LDLRAD4: variants seen among roughly 807,000 people sequenced by gnomAD.
The protein encoded by LDLRAD4 is low-density lipoprotein receptor class A domain-containing protein 4.
A neutral mutation model predicts 17.0 loss-of-function variants in LDLRAD4; 5 were observed. The ratio of observed to expected loss-of-function variants is 0.29; its 90% confidence interval spans 0.15 to 0.62. The LOEUF (loss-of-function observed/expected upper bound fraction) is 0.62. LDLRAD4 is among the 20% of genes least tolerant of loss of function. The pLI is 0.84. For synonymous variants in LDLRAD4, 168 were observed against 171.8 expected, an observed-to-expected ratio of 0.98 and a Z score of 0.17; for missense variants, 340 against 424.7, an observed-to-expected ratio of 0.80 and a Z score of 1.75.
chr18:13,517,873 G>A (rs1206775031), intron 3 of LDLRAD4, among the ~76,000 whole-genome samples: 1 of 152,096 alleles, frequency 6.6e-6, no homozygotes, highest in African/African-American at 2.4e-5. Context: ...CTAGTAGCTG[G>A]GACTACAGGC....
At chr18:13,565,150 A>G (rs1008460630) in intron 3 of LDLRAD4, 2 of 152,248 alleles carry the variant, frequency 1.3e-5, no homozygotes, top group Non-Finnish European at 2.9e-5. Context: ...TTCTAGGATT[A>G]TATCTCCCCA....
chr18:13,433,116 A>G (rs1411314878), intron 2 of LDLRAD4, among the ~76,000 whole-genome samples: 1 of 152,250 alleles, frequency 6.6e-6, no homozygotes, highest in Non-Finnish European at 1.5e-5. Context: ...GTACTAGGAA[A>G]TGTAAACTTA....
chr18:13,529,653 C>A (rs1601131087), intron 3 of LDLRAD4, among the ~76,000 whole-genome samples: 1 of 152,278 alleles, frequency 6.6e-6, no homozygotes, highest in South Asian at 2.1e-4. Context: ...AGCTGCTAAC[C>A]CCTCCAGTGT....
At chr18:13,589,119 G>A (rs1284399) in intron 3 of LDLRAD4, among the ~76,000 whole-genome samples, 135,575 of 151,914 alleles carry the variant, frequency 0.89, 60,544 homozygotes, top group East Asian at 1. Flanking sequence ...TTTTCAGTAG[G>A]GATGAGGTTT....
At chr18:13,504,191 A>T (rs2093655834) in intron 3 of LDLRAD4, among the ~76,000 whole-genome samples, 2 of 152,186 alleles carry the variant, frequency 1.3e-5, no homozygotes, top group African/African-American at 2.4e-5. Flanking sequence ...ACCCCCTCTC[A>T]AAAACAGAGA....
chr18:13,646,217 T>G (rs2043009866), exon 6 of LDLRAD4: 1 of 152,672 alleles, frequency 6.5e-6, no homozygotes, highest in South Asian at 2.1e-4. Flanking sequence ...CTTTGTGTTG[T>G]GATGATGTGT....
chr18:13,460,414 A>G (rs1208641080), intron 3 of LDLRAD4, among the ~76,000 whole-genome samples: 1 of 152,156 alleles, frequency 6.6e-6, no homozygotes, highest in Admixed American at 6.5e-5. Flanking sequence ...GCTGAGCTGG[A>G]ACTCCGGGCA....
At chr18:13,238,600 G>T (rs1031087915) in intron 1 of LDLRAD4, among the ~76,000 whole-genome samples, 8 of 152,230 alleles carry the variant, frequency 5.3e-5, no homozygotes, top group African/African-American at 1.7e-4. Flanking sequence ...GAGGGGTGGT[G>T]TGGTGCAGGC....
intron 3 of LDLRAD4, among the ~76,000 whole-genome samples, chr18:13,539,302 C>T (rs972439663): frequency 1.3e-5 from 2 of 152,218 alleles, no homozygotes; most frequent in African/African-American, 4.8e-5. Context: ...CTTGTTTGAA[C>T]ACCAGCTAGC....
chr18:13,387,821 C>G, intron 2 of LDLRAD4, 59 bp downstream of exon 3: 2 of 1,468,374 alleles, frequency 1.4e-6, no homozygotes, highest in South Asian at 2.3e-5. Context: ...CAATAAACTC[C>G]CAAACCACTG....
chr18:13,610,131 T>TA (rs1339552528), intron 3 of LDLRAD4, among the ~76,000 whole-genome samples: 1 of 152,136 alleles, frequency 6.6e-6, no homozygotes, highest in East Asian at 1.9e-4. Context: ...TTTCTTTTTT[T>TA]ATATATGAAA....
rs12969919 is a variant in LDLRAD4, at chr18:13,499,669, G to A, written c.181+61285G>A. Among the ~76,000 whole-genome samples, 18 of 119,592 alleles carry A rather than the reference G, an allele frequency of 1.5e-4. No individual in the cohort carries two copies. The East Asian group carries it at 2.9e-3, about 19-fold the overall frequency. The allele number at this position is 119,592 out of a possible 152,430, so 78.5% of individuals were successfully genotyped here. A position where few individuals can be genotyped will look rare whatever the true frequency, so the allele number is the denominator to read the frequency against. On this transcript the variant is annotated intron_variant, in intron 3 of 5. Coordinates refer to ENST00000359446, the Ensembl canonical transcript of LDLRAD4. The stretch of plus-strand genomic sequence containing the variant: ...TGGATACTGGAGAATCCTTCTCGCC[G>A]CACACGTCCTGCCATGGACACCGGA...
chr18:13,589,025 C>T (rs2094973813), intron 3 of LDLRAD4, among the ~76,000 whole-genome samples: 1 of 151,068 alleles, frequency 6.6e-6, no homozygotes, highest in Admixed American at 6.6e-5. Context: ...GCCTCCCAGG[C>T]TCAAATGATT....
In LDLRAD4 at chr18:13,621,038, C is replaced by G. The variant is rs2040579156; in HGVS notation, c.182-79C>G. On this transcript the variant is annotated intron_variant, in intron 3 of 5. Coordinates refer to ENST00000359446, the Ensembl canonical transcript of LDLRAD4. The surrounding 1 kb of genome is among the most constrained non-coding windows in gnomAD (Gnocchi z 5.5). ...GTGAGAGGCCTTCAGGGCCTGATGG[C>G]TGGGGTGGTGACAGTGCCTGGAGAA... is the stretch of plus-strand genomic sequence containing the variant. The G allele has an allele frequency of 2.5e-6, 4 of 1,603,268 alleles. No individual in the cohort carries two copies. The highest frequency in any genetic ancestry group is 2.6e-6 in the Non-Finnish European group (3 of 1,172,684).
intron 3 of LDLRAD4, among the ~76,000 whole-genome samples, chr18:13,539,345 T>C (rs2094243494): frequency 6.6e-6 from 1 of 152,182 alleles, no homozygotes; most frequent in East Asian, 1.9e-4. Flanking sequence ...AATTGCTCAG[T>C]CCCTAAACGT....
Position 13,411,079 on chromosome 18 carries a change from C to T in LDLRAD4, c.40+23317C>T, listed in dbSNP as rs192047380. On this transcript the variant is annotated intron_variant, in intron 2 of 5. Transcript: ENST00000359446. The stretch of plus-strand genomic sequence containing the variant: ...CAGCCTGGGCAACATAGCAAAATCC[C>T]GTCTCTACTAAAAATACAAACATTT... Among the ~76,000 whole-genome samples, 9 of 152,148 alleles carry T rather than the reference C, an allele frequency of 5.9e-5. No homozygotes were observed. In the East Asian group the frequency reaches 9.6e-4, roughly 16 times the overall value.
chr18:13,473,655 ATATATATATATATATATATATAT>A (rs1568213739), intron 3 of LDLRAD4, among the ~76,000 whole-genome samples: 1,346 of 102,442 alleles, frequency 0.013, 92 homozygotes, highest in African/African-American at 0.043. Flanking sequence ...ATATATATAT[ATATATATATATATATATATATAT>A]AACGTTTACA....
chr18:13,565,528 A>C (rs2094589071), intron 3 of LDLRAD4, among the ~76,000 whole-genome samples: 1 of 152,230 alleles, frequency 6.6e-6, no homozygotes, highest in South Asian at 2.1e-4. Flanking sequence ...TGACATTGGC[A>C]TGAGCCGCCC....
At chr18:13,500,234 T>C (rs894376004) in intron 3 of LDLRAD4, among the ~76,000 whole-genome samples, 10 of 150,126 alleles carry the variant, frequency 6.7e-5, no homozygotes, top group African/African-American at 2.2e-4. Context: ...GGCCTGGCCC[T>C]GACGGCCCGG....
Sources: allele counts gnomAD v4.1 joint callset (sites outside exome capture counted in the v4.1 genomes callset), GRCh38; gene constraint gnomAD v4.1.1; non-coding constraint Gnocchi (gnomAD v3.1); transcripts MANE v1.5; gene names NCBI Gene and HGNC (gene_info 2026-07-23, HGNC 2026-07-21).